SPATS2: variants seen among roughly 807,000 people sequenced by gnomAD.
SPATS2 encodes the protein spermatogenesis-associated serine-rich protein 2.
In SPATS2, 38 loss-of-function variants were observed where a neutral mutation model predicts 63.7. That is an observed-to-expected ratio of 0.60 (90% CI 0.46 to 0.78). SPATS2 has a LOEUF of 0.78. SPATS2 is among the 30% of genes least tolerant of loss of function. The pLI, the probability that SPATS2 is intolerant of heterozygous loss-of-function variation, is 0.00. For missense variants in SPATS2, 588 were observed against 666.2 expected (o/e 0.88, Z 1.29); for synonymous variants, 207 against 232.9 (o/e 0.89, Z 1.01).
At chr12:49,375,434 C>G (rs1944083247) in intron 2 of SPATS2, among the ~76,000 whole-genome samples, 1 of 152,202 alleles carries the variant, frequency 6.6e-6, no homozygotes, top group Non-Finnish European at 1.5e-5. Context: ...AGGCTACCCT[C>G]TGTAGTTGAG....
At chr12:49,395,707 T>C (rs1216981210) in intron 2 of SPATS2, among the ~76,000 whole-genome samples, 1 of 152,230 alleles carries the variant, frequency 6.6e-6, no homozygotes, top group East Asian at 1.9e-4. Context: ...ATTACAGGCA[T>C]GAGCCACTGT....
At chr12:49,414,940 CTTT>C (rs1198243704) in intron 2 of SPATS2, among the ~76,000 whole-genome samples, 4 of 126,860 alleles carry the variant, frequency 3.2e-5, no homozygotes, top group Admixed American at 7.9e-5. Context: ...TTTTTCTTTT[CTTT>C]TTTTTTTTTT....
chr12:49,481,679 T>A (rs1262127806), intron 3 of SPATS2, among the ~76,000 whole-genome samples: 1 of 151,754 alleles, frequency 6.6e-6, no homozygotes, highest in Non-Finnish European at 1.5e-5. Flanking sequence ...TGTTTGCTGA[T>A]CTCGAACTCC....
chr12:49,390,037 A>G (rs1944392771), intron 2 of SPATS2: 1 of 966,304 alleles, frequency 1.0e-6, no homozygotes, highest in Non-Finnish European at 1.7e-6. Flanking sequence ...ACAAGAAAAC[A>G]AAGGCGTTAG....
chr12:49,434,526 G>A (rs761388536), intron 2 of SPATS2, among the ~76,000 whole-genome samples: 1 of 151,994 alleles, frequency 6.6e-6, no homozygotes, highest in African/African-American at 2.4e-5. Context: ...TTCCCATTCC[G>A]ATAAATATAA....
chr12:49,404,287 T>C (rs1190081455), intron 2 of SPATS2, among the ~76,000 whole-genome samples: 2 of 149,336 alleles, frequency 1.3e-5, no homozygotes, highest in Non-Finnish European at 3.0e-5. Flanking sequence ...TTTTTTTTTT[T>C]CATTTTTTTT....
At chr12:49,405,958 T>G (rs1205063114) in intron 2 of SPATS2, among the ~76,000 whole-genome samples, 1 of 152,218 alleles carries the variant, frequency 6.6e-6, no homozygotes, top group African/African-American at 2.4e-5. Context: ...ATTTGAAAAT[T>G]ACATTAAATG....
intron 8 of SPATS2, 38 bp from the exon 9 acceptor site, chr12:49,500,032 C>A (rs918801813): frequency 4.4e-5 from 49 of 1,116,424 alleles, no homozygotes; most frequent in Non-Finnish European, 5.5e-5. Context: ...TATAATTATT[C>A]TTTTTTTTTT....
chr12:49,498,259 C>G (rs1219246464), intron 8 of SPATS2, among the ~76,000 whole-genome samples: 1 of 150,058 alleles, frequency 6.7e-6, no homozygotes, highest in Non-Finnish European at 1.5e-5. Context: ...ATTGGAAATG[C>G]ATATCTTGGC....
intron 2 of SPATS2, among the ~76,000 whole-genome samples, chr12:49,403,620 C>T (rs1944644655): frequency 6.6e-6 from 1 of 151,304 alleles, no homozygotes; most frequent in Non-Finnish European, 1.5e-5. Context: ...CACACACACA[C>T]ACACACACAC....
chr12:49,383,672 G>A (rs779785814), intron 2 of SPATS2, among the ~76,000 whole-genome samples: 13 of 152,086 alleles, frequency 8.5e-5, no homozygotes, highest in Non-Finnish European at 1.5e-4. Flanking sequence ...AAAGTGTTGC[G>A]CTTATAGACA....
intron 2 of SPATS2, chr12:49,389,941 T>C: frequency 1.2e-6 from 1 of 805,506 alleles, no homozygotes; most frequent in East Asian, 2.4e-5. Flanking sequence ...ACCAGATAAA[T>C]GAAATATGGC....
In SPATS2 at chr12:49,494,864, A is replaced by G. The variant is rs1342013084; in HGVS notation, c.388A>G (p.Asn130Asp). The change falls in exon 7 of 14, where the codon AAT (asparagine) becomes GAT (aspartate). Residue 130 changes from asparagine to aspartate, a missense_variant. Coordinates refer to ENST00000552918, the MANE Select transcript of SPATS2 (RefSeq NM_023071.4). ...SAPSSEKGGM[N>D]GYHVNGAIND... ...GCCTTCCTCAGAGAAAGGTGGTATG[A>G]ATGGCTACCATGTCAATGGTGCCAT... is the stretch of plus-strand genomic sequence containing the variant. The G allele has an allele frequency of 1.2e-6, 2 of 1,613,896 alleles. No individual in the cohort carries two copies. Among genetic ancestry groups the G allele is most frequent in the East Asian group, 4.5e-5 (2 of 44,892 alleles).
At chr12:49,402,221 G>A (rs561728799) in intron 2 of SPATS2, among the ~76,000 whole-genome samples, 1 of 152,308 alleles carries the variant, frequency 6.6e-6, no homozygotes, top group Admixed American at 6.5e-5. Flanking sequence ...ATTTAATCAG[G>A]GTTGGTGTTT....
intron 9 of SPATS2, among the ~76,000 whole-genome samples, chr12:49,510,758 G>A (rs963340640): frequency 6.6e-6 from 1 of 151,652 alleles, no homozygotes; most frequent in African/African-American, 2.4e-5. Flanking sequence ...CAATTTTTTG[G>A]TACCAATGAA....
At position 49,494,824 on chromosome 12, in the gene SPATS2, A is replaced by G; in HGVS notation, c.348A>G (p.Gln116=). 1 of 1,613,856 alleles carries G rather than the reference A, an allele frequency of 6.2e-7. No individual in the cohort carries two copies. Reference sequence around the variant, plus strand: ...ATTCCAGTAAATCAGTTTCCATTCAAGAGGAACAGTCTGCGCCTTCCTCAG... The same window carrying G: ...ATTCCAGTAAATCAGTTTCCATTCAGGAGGAACAGTCTGCGCCTTCCTCAG... ...IPDSSKSVSI[Q]EEQSAPSSEK... Residue 116 remains glutamine, a synonymous_variant, in exon 7 of 14, where the codon CAA becomes CAG. Coordinates refer to ENST00000552918, the MANE Select transcript of SPATS2 (RefSeq NM_023071.4).
intron 2 of SPATS2, among the ~76,000 whole-genome samples, chr12:49,449,089 T>A (rs1945569803): frequency 6.6e-6 from 1 of 152,268 alleles, no homozygotes; most frequent in African/African-American, 2.4e-5. Context: ...GGCCATAGTC[T>A]GCTGATCCTT....
chr12:49,469,938 A>G, intron 3 of SPATS2, among the ~76,000 whole-genome samples: 1 of 151,990 alleles, frequency 6.6e-6, no homozygotes, highest in East Asian at 1.9e-4. Context: ...TCCCTGAAAA[A>G]TGTTTGATTT....
intron 2 of SPATS2, among the ~76,000 whole-genome samples, chr12:49,428,870 G>GT (rs2137464797): frequency 6.6e-6 from 1 of 152,244 alleles, no homozygotes; most frequent in South Asian, 2.1e-4. Context: ...GAGGACCGGA[G>GT]TTTTATATGT....
Sources: gnomAD v4.1 joint callset for allele counts (sites outside exome capture counted in the v4.1 genomes callset) on GRCh38, gnomAD v4.1.1 for gene constraint, MANE v1.5 for transcripts, NCBI Gene and HGNC (gene_info 2026-07-23, HGNC 2026-07-21) for gene names.